TTLL5: variants seen among roughly 807,000 people sequenced by gnomAD.
The protein encoded by TTLL5 is tubulin polyglutamylase TTLL5.
Under a neutral mutation model 168.4 loss-of-function variants are expected in TTLL5, and 132 were observed. The ratio of observed to expected loss-of-function variants is 0.78; its 90% confidence interval spans 0.68 to 0.91. The LOEUF (loss-of-function observed/expected upper bound fraction) is 0.91, where lower values mean the gene tolerates loss of function less well. Among genes scored for constraint, TTLL5 ranks in the 40% least tolerant of loss-of-function variants. The probability of loss-of-function intolerance (pLI) is 0.00; values close to 1 mark genes in which losing one functional copy is unlikely to be tolerated. For missense variants in TTLL5, 1,545 were observed against 1,581.5 expected (o/e 0.98, Z 0.39); for synonymous variants, 546 against 558.6 (o/e 0.98, Z 0.32).
intron 27 of TTLL5, among the ~76,000 whole-genome samples, chr14:75,813,310 GTGTGTGTT>G (rs1894181524): frequency 7.5e-6 from 1 of 133,612 alleles, no homozygotes; most frequent in Admixed American, 7.8e-5. Context: ...GTGTGTGTGT[GTGTGTGTT>G]TGAGACAGCG....
chr14:75,931,408 A>C (rs534823945), intron 31 of TTLL5, among the ~76,000 whole-genome samples: 1 of 152,184 alleles, frequency 6.6e-6, no homozygotes, highest in Admixed American at 6.5e-5. Flanking sequence ...TATCATTATT[A>C]TACTTTTCCC....
Position 75,745,492 on chromosome 14 carries a change from C to G in TTLL5, c.1398C>G (p.Ile466Met). ...GSVLGLSMEE[I>M]KVLRRVKEEN... ...ATTTTATCTTATTTTTCATCTAGATCAAAGTTTTACGAAGGGTGAAGGAGG... is the reference window on the plus strand; with the variant it reads ...ATTTTATCTTATTTTTCATCTAGATGAAAGTTTTACGAAGGGTGAAGGAGG... Residue 466 changes from isoleucine (I) to methionine (M), a missense_variant and splice_region_variant, in exon 17 of 32, where the codon ATC becomes ATG. By Grantham distance (10) the Ile-to-Met change is conservative. Transcript: ENST00000298832. 3 of 1,613,768 alleles carry G rather than the reference C, an allele frequency of 1.9e-6. No homozygotes were observed. Among genetic ancestry groups the G allele is most frequent in the South Asian group, 1.1e-5 (1 of 91,046 alleles).
At chr14:75,937,114 A>G (rs893354200) in intron 31 of TTLL5, among the ~76,000 whole-genome samples, 3 of 112,722 alleles carry the variant, frequency 2.7e-5, no homozygotes, top group Non-Finnish European at 5.3e-5. Context: ...GGCATTAAGT[A>G]CATTTACATT....
intron 20 of TTLL5, among the ~76,000 whole-genome samples, chr14:75,771,196 G>A (rs1891288018): frequency 6.6e-6 from 1 of 152,192 alleles, no homozygotes; most frequent in Admixed American, 6.5e-5. Flanking sequence ...GGAGGCCAAG[G>A]CAGGCGGATC....
At chr14:75,866,210 A>G (rs1194763486) in intron 29 of TTLL5, among the ~76,000 whole-genome samples, 2 of 152,238 alleles carry the variant, frequency 1.3e-5, no homozygotes, top group East Asian at 3.8e-4. Flanking sequence ...AGTAGATTTT[A>G]TACCTTTGTA....
intron 2 of TTLL5, among the ~76,000 whole-genome samples, chr14:75,669,059 C>T (rs540553599): frequency 6.6e-6 from 1 of 152,290 alleles, no homozygotes; most frequent in African/African-American, 2.4e-5. Context: ...GACAGGCTAT[C>T]ATCTGTAGCC....
chr14:75,928,367 A>ATATC (rs900278672), intron 31 of TTLL5, among the ~76,000 whole-genome samples: 1 of 140,100 alleles, frequency 7.1e-6, no homozygotes, highest in Non-Finnish European at 1.5e-5. Flanking sequence ...ATATATATAT[A>ATATC]TCACTGTATT....
At chr14:75,919,994 G>A (rs148437137) in intron 31 of TTLL5, among the ~76,000 whole-genome samples, 14 of 152,164 alleles carry the variant, frequency 9.2e-5, no homozygotes, top group Non-Finnish European at 1.6e-4. Flanking sequence ...AGTGCCTCAC[G>A]CCTGTAAGTT....
At chr14:75,859,943 T>C (rs2139929487) in intron 28 of TTLL5, among the ~76,000 whole-genome samples, 1 of 152,358 alleles carries the variant, frequency 6.6e-6, no homozygotes, top group East Asian at 1.9e-4. Flanking sequence ...AAGTTTCTCG[T>C]GGCACTTATT....
chr14:75,806,637 A>C (rs1893672419), intron 27 of TTLL5, among the ~76,000 whole-genome samples: 1 of 151,800 alleles, frequency 6.6e-6, no homozygotes, highest in Non-Finnish European at 1.5e-5. Context: ...CACTTCACTC[A>C]TATGCATACT....
chr14:75,828,691 T>G (rs1177216454), intron 28 of TTLL5, among the ~76,000 whole-genome samples: 1 of 152,176 alleles, frequency 6.6e-6, no homozygotes, highest in Non-Finnish European at 1.5e-5. Flanking sequence ...TAAAACTAAG[T>G]AAATGAAAGA....
At chr14:75,850,733 A>G (rs1285119993) in intron 28 of TTLL5, among the ~76,000 whole-genome samples, 3 of 152,228 alleles carry the variant, frequency 2.0e-5, no homozygotes, top group African/African-American at 7.2e-5. Context: ...AGGGAAAAAC[A>G]TAAAGCCTTT....
At chr14:75,709,445 T>C (rs1699434277) in intron 9 of TTLL5, 2 of 440,150 alleles carry the variant, frequency 4.5e-6, no homozygotes, top group Non-Finnish European at 8.4e-6. Flanking sequence ...TATTCTTAAC[T>C]GAGATTTTGA....
intron 31 of TTLL5, among the ~76,000 whole-genome samples, chr14:75,905,200 A>G (rs2033094845): frequency 6.6e-6 from 1 of 152,230 alleles, no homozygotes; most frequent in African/African-American, 2.4e-5. Context: ...AGGAATCCCT[A>G]AACCATCTTT....
At chr14:75,952,719 G>A (rs1344397574) in intron 31 of TTLL5, among the ~76,000 whole-genome samples, 1 of 152,166 alleles carries the variant, frequency 6.6e-6, no homozygotes, top group African/African-American at 2.4e-5. Flanking sequence ...CAGCATAGAT[G>A]ACCCTTTAAA....
chr14:75,846,240 C>G (rs1477379788), intron 28 of TTLL5, among the ~76,000 whole-genome samples: 1 of 152,148 alleles, frequency 6.6e-6, no homozygotes, highest in Non-Finnish European at 1.5e-5. Flanking sequence ...TATAAACCAG[C>G]AGGTCAGGCA....
chr14:75,758,406 T>C (rs1343636379), intron 18 of TTLL5, among the ~76,000 whole-genome samples: 1 of 152,196 alleles, frequency 6.6e-6, no homozygotes, highest in Non-Finnish European at 1.5e-5. Flanking sequence ...TGTTTCCAAA[T>C]AGAAAGTCAC....
intron 1 of TTLL5, among the ~76,000 whole-genome samples, chr14:75,662,252 T>G (rs1890782244): frequency 6.6e-6 from 1 of 152,118 alleles, no homozygotes; most frequent in Non-Finnish European, 1.5e-5. Flanking sequence ...TTGAATTTAT[T>G]TTACTGGAAA....
intron 28 of TTLL5, among the ~76,000 whole-genome samples, chr14:75,847,953 C>T (rs772473587): frequency 7.8e-6 from 1 of 128,126 alleles, no homozygotes; most frequent in Non-Finnish European, 1.6e-5. Context: ...TATACATTTT[C>T]TTTTCTTCCC....
Sources: allele counts gnomAD v4.1 joint callset (sites outside exome capture counted in the v4.1 genomes callset), GRCh38; gene constraint gnomAD v4.1.1; transcripts MANE v1.5; gene names NCBI Gene and HGNC (gene_info 2026-07-23, HGNC 2026-07-21).